AVEN: variants seen among roughly 807,000 people sequenced by gnomAD.
The protein encoded by AVEN is cell death regulator Aven.
AVEN carries 41 observed loss-of-function variants against 38.1 expected under a neutral mutation model. The observed-to-expected ratio is 1.08, with a 90% CI of 0.84 to 1.40. The LOEUF is 1.40. AVEN is among the 40% of genes most tolerant of loss of function. The pLI, the probability that AVEN is intolerant of heterozygous loss-of-function variation, is 0.00. For synonymous variants in AVEN, 206 were observed against 171.8 expected, an observed-to-expected ratio of 1.20 and a Z score of -1.56; for missense variants, 605 against 438.8, an observed-to-expected ratio of 1.38 and a Z score of -3.38.
intron 2 of AVEN, among the ~76,000 whole-genome samples, chr15:33,949,470 GATC>G (rs778258267): frequency 1.3e-5 from 2 of 152,082 alleles, no homozygotes; most frequent in African/African-American, 2.4e-5. Flanking sequence ...ACCCTGATTT[GATC>G]ATTATTCATT....
chr15:34,021,797 G>A (rs1898212553), intron 1 of AVEN, among the ~76,000 whole-genome samples: 1 of 152,152 alleles, frequency 6.6e-6, no homozygotes, highest in Non-Finnish European at 1.5e-5. Context: ...GGAGGTTGCA[G>A]TGAGCCGAGG....
At chr15:33,919,690 A>G (rs966651947) in intron 2 of AVEN, among the ~76,000 whole-genome samples, 2 of 152,344 alleles carry the variant, frequency 1.3e-5, no homozygotes, top group Non-Finnish European at 2.9e-5. Flanking sequence ...AGCCAAAGGC[A>G]TTTTCTGTAG....
upstream of AVEN, among the ~76,000 whole-genome samples, chr15:34,042,407 T>C (rs548179111): frequency 6.6e-6 from 1 of 150,788 alleles, no homozygotes; most frequent in African/African-American, 2.4e-5. Flanking sequence ...TTTTTTTTTT[T>C]TTTTTTTTTT....
chr15:33,865,506 C>T (rs1166190994), downstream of AVEN: 1 of 367,830 alleles, frequency 2.7e-6, no homozygotes, highest in Non-Finnish European at 4.9e-6. Context: ...TCTGAGGTAA[C>T]TAGTTCAGTT....
downstream of AVEN, chr15:33,858,018 T>TAG (rs1294904468): frequency 7.0e-7 from 1 of 1,425,500 alleles, no homozygotes; most frequent in Non-Finnish European, 9.5e-7. Context: ...TTGAGAACTG[T>TAG]AGAGTTAGTT....
intron 2 of AVEN, among the ~76,000 whole-genome samples, chr15:33,905,804 A>C (rs607497): frequency 0.051 from 7,514 of 148,574 alleles, 268 homozygotes; most frequent in Non-Finnish European, 0.076. Flanking sequence ...TGTATGACAA[A>C]TTGAGACCTT....
chr15:33,875,305 G>C (rs1394456810), intron 3 of AVEN, among the ~76,000 whole-genome samples: 2 of 152,114 alleles, frequency 1.3e-5, no homozygotes, highest in East Asian at 3.9e-4. Context: ...ATGTCCCTAT[G>C]TGCATCCTAA....
chr15:33,859,219 A>G (rs978339660), intron 11 of AVEN: 10 of 202,634 alleles, frequency 4.9e-5, no homozygotes, highest in Non-Finnish European at 7.9e-5. Context: ...AGTTTATAGC[A>G]CAGCCTGAAG....
intron 2 of AVEN, among the ~76,000 whole-genome samples, chr15:33,878,095 C>G (rs553963558): frequency 6.6e-6 from 1 of 152,012 alleles, no homozygotes; most frequent in African/African-American, 2.4e-5. Flanking sequence ...AAAAGGAAGA[C>G]AAAAAACTCA....
At chr15:34,061,051 C>T (rs1204139543) in intron 5 of AVEN, among the ~76,000 whole-genome samples, 12 of 151,528 alleles carry the variant, frequency 7.9e-5, no homozygotes, top group African/African-American at 1.9e-4. Context: ...TTCCCTTTAC[C>T]GCCCATTATC....
chr15:33,988,529 G>A (rs1896580057), intron 2 of AVEN, among the ~76,000 whole-genome samples: 1 of 152,162 alleles, frequency 6.6e-6, no homozygotes, highest in Non-Finnish European at 1.5e-5. Flanking sequence ...CAACTGGTAG[G>A]TTTCAGGAAA....
intron 2 of AVEN, among the ~76,000 whole-genome samples, chr15:33,897,819 T>C (rs188192107): frequency 6.2e-4 from 94 of 152,172 alleles, no homozygotes; most frequent in Admixed American, 2.1e-3. Context: ...GAGTTTTAGG[T>C]TAAAGCAAGT....
At chr15:33,932,822 T>A (rs1201734501) in intron 2 of AVEN, among the ~76,000 whole-genome samples, 2 of 88,980 alleles carry the variant, frequency 2.2e-5, no homozygotes, top group African/African-American at 6.5e-5. Context: ...CAAGACTCCA[T>A]CACAAAATAA....
At chr15:34,027,573 A>G (rs557460791) in intron 1 of AVEN, among the ~76,000 whole-genome samples, 2 of 151,824 alleles carry the variant, frequency 1.3e-5, no homozygotes, top group South Asian at 4.2e-4. Flanking sequence ...CAACTATGGT[A>G]ACTGTGAAAA....
intron 2 of AVEN, among the ~76,000 whole-genome samples, chr15:33,887,087 A>G (rs1387064657): frequency 1.3e-5 from 2 of 152,250 alleles, no homozygotes; most frequent in Non-Finnish European, 2.9e-5. Flanking sequence ...GAAATACATC[A>G]TAGTTCTATC....
At chr15:34,002,701 G>C (rs1897182322) in intron 2 of AVEN, among the ~76,000 whole-genome samples, 1 of 152,146 alleles carries the variant, frequency 6.6e-6, no homozygotes, top group African/African-American at 2.4e-5. Context: ...ACAAATATAA[G>C]GAATGTTTCC....
intron 5 of AVEN, among the ~76,000 whole-genome samples, chr15:34,058,087 A>G (rs1597392922): frequency 6.6e-6 from 1 of 152,188 alleles, no homozygotes; most frequent in African/African-American, 2.4e-5. Context: ...GTTTGGTGAC[A>G]GAATTCCTTG....
At chr15:33,874,785 C>T (rs973519720) in intron 3 of AVEN, among the ~76,000 whole-genome samples, 2 of 152,032 alleles carry the variant, frequency 1.3e-5, no homozygotes, top group East Asian at 1.9e-4. Flanking sequence ...TGATGAATGA[C>T]GAAGCTTAGA....
intron 2 of AVEN, among the ~76,000 whole-genome samples, chr15:33,979,639 G>C (rs1896048010): frequency 6.6e-6 from 1 of 152,038 alleles, no homozygotes; most frequent in Non-Finnish European, 1.5e-5. Context: ...GAAAGATTTG[G>C]ACCAAATGTT....
Sources: gnomAD v4.1 joint callset for allele counts (sites outside exome capture counted in the v4.1 genomes callset) on GRCh38, gnomAD v4.1.1 for gene constraint, MANE v1.5 for transcripts, NCBI Gene and HGNC (gene_info 2026-07-23, HGNC 2026-07-21) for gene names.